The following ATP8A2 variants were observed in gnomAD, a reference collection of about 807,000 sequenced individuals.
ATP8A2 encodes ATPase phospholipid transporting 8A2.
ATP8A2 carries 100 observed loss-of-function variants against 165.6 expected under a neutral mutation model. That is an observed-to-expected ratio of 0.60 (90% CI 0.51 to 0.71). The LOEUF is 0.71. ATP8A2 is among the 30% of genes least tolerant of loss of function. The pLI is 0.00. For synonymous variants in ATP8A2, 543 were observed against 548.8 expected (o/e 0.99, Z 0.15); for missense variants, 1,227 against 1,479.5 (o/e 0.83, Z 2.80).
intron 35 of ATP8A2, among the ~76,000 whole-genome samples, chr13:25,978,887 C>A (rs1215975897): frequency 6.6e-6 from 1 of 152,060 alleles, no homozygotes; most frequent in Non-Finnish European, 1.5e-5. Flanking sequence ...TTGGAGTGAG[C>A]CGAGATCGCG....
At chr13:25,570,622 G>T in intron 16 of ATP8A2, 145 bp from the exon 17 acceptor site, 2 of 570,218 alleles carry the variant, frequency 3.5e-6, no homozygotes, top group Non-Finnish European at 6.2e-6. Flanking sequence ...GGTAGGAGGG[G>T]GATCTGAGGT....
At chr13:25,714,114 A>AAAAG (rs758760089) in intron 25 of ATP8A2, among the ~76,000 whole-genome samples, 17 of 146,304 alleles carry the variant, frequency 1.2e-4, no homozygotes, top group African/African-American at 3.1e-4. Context: ...TCCCTCTGCT[A>AAAAG]AAAGAAAGAA....
intron 24 of ATP8A2, among the ~76,000 whole-genome samples, chr13:25,609,785 A>ATT (rs532359123): frequency 5.2e-5 from 7 of 133,926 alleles, no homozygotes; most frequent in East Asian, 2.3e-4. Context: ...ACCAACACCT[A>ATT]TTTTTTTTTT....
intron 25 of ATP8A2, among the ~76,000 whole-genome samples, chr13:25,761,522 G>A (rs564722104): frequency 1.1e-4 from 17 of 152,078 alleles, no homozygotes; most frequent in African/African-American, 3.6e-4. Context: ...GCACACCTGC[G>A]GCCTCAGCTG....
intron 24 of ATP8A2, among the ~76,000 whole-genome samples, chr13:25,597,252 C>A (rs1027450623): frequency 1.3e-5 from 2 of 152,044 alleles, no homozygotes; most frequent in African/African-American, 4.8e-5. Flanking sequence ...GGAAAATAGA[C>A]CCTAGGCTGG....
At chr13:25,587,296 A>G (rs1400649852) in intron 23 of ATP8A2, among the ~76,000 whole-genome samples, 1 of 152,224 alleles carries the variant, frequency 6.6e-6, no homozygotes, top group Non-Finnish European at 1.5e-5. Flanking sequence ...AATTCTCTAA[A>G]CAAAATCTCA....
In ATP8A2 at chr13:25,531,447, A is replaced by T. The variant is rs1431857822; in HGVS notation, c.420+787A>T. On this transcript the variant is annotated intron_variant, in intron 4 of 36. Transcript: ENST00000381655. ...TATATATATGATTATATATATGATTATATATATGATTATATATATGTTATA... is the reference window on the plus strand; with the variant it reads ...TATATATATGATTATATATATGATTTTATATATGATTATATATATGTTATA... Among the ~76,000 whole-genome samples the T allele has an allele frequency of 2.1e-4, 21 of 99,336 alleles. 1 individual carries two copies. The highest frequency in any genetic ancestry group is 9.7e-4 in the Admixed American group (10 of 10,360). 65.2% of individuals were successfully genotyped at this position (99,336 alleles called of 152,430 possible).
Position 25,530,034 on chromosome 13 carries a change from G to A in ATP8A2, c.257G>A (p.Arg86Gln), listed in dbSNP as rs754599384. ...TACAGCGTGTTGACATTTCTACCTCGATTCTTGTATGAGCAGATTAGAAGA... is the reference window on the plus strand; with the variant it reads ...TACAGCGTGTTGACATTTCTACCTCAATTCTTGTATGAGCAGATTAGAAGA... ...AKYSVLTFLP[R>Q]FLYEQIRRAA... The change falls in exon 3 of 37, where the codon CGA becomes CAA. Residue 86 changes from arginine to glutamine, a missense_variant. Transcript: ENST00000381655. 1.2e-6 allele frequency: 2 copies of A among 1,612,506 alleles called. No individual in the cohort carries two copies. Among genetic ancestry groups the A allele is most frequent in the Non-Finnish European group, 1.7e-6 (2 of 1,179,026 alleles).
chr13:25,911,991 T>C (rs1036758758), intron 33 of ATP8A2, among the ~76,000 whole-genome samples: 1 of 152,216 alleles, frequency 6.6e-6, no homozygotes, highest in Non-Finnish European at 1.5e-5. Context: ...AGAATTGTCA[T>C]ATGATCCAAC....
intron 24 of ATP8A2, among the ~76,000 whole-genome samples, chr13:25,609,534 G>GGGATTCAACTATATATATATATATTT (rs2040603879): frequency 2.4e-5 from 1 of 42,218 alleles, no homozygotes; most frequent in East Asian, 3.2e-4. Flanking sequence ...ATATATATTT[G>GGGATTCAACTATATATATATATATTT]GGATTCAAAT....
At chr13:25,984,273 G>T (rs1333906834) in intron 35 of ATP8A2, among the ~76,000 whole-genome samples, 1 of 151,838 alleles carries the variant, frequency 6.6e-6, no homozygotes, top group East Asian at 1.9e-4. Flanking sequence ...TGAAAAGTTT[G>T]GTGTGATGGG....
At position 25,532,325 on chromosome 13, in the gene ATP8A2, C is replaced by A. The variant is rs2038140291; in HGVS notation, c.466+8C>A. On this transcript the variant is annotated splice_region_variant and intron_variant, in intron 5 of 36. Transcript: ENST00000381655. ...ACAAAAAGAAAACAATAGGTAAGAT[C>A]CCAGGCTGAAGGACTTTTTCCACTG... 2 of 1,604,132 alleles carry A rather than the reference C, an allele frequency of 1.2e-6. No homozygotes were observed. Among genetic ancestry groups the A allele is most frequent in the Non-Finnish European group, 1.7e-6 (2 of 1,175,664 alleles).
intron 2 of ATP8A2, among the ~76,000 whole-genome samples, chr13:25,527,015 A>G (rs965866801): frequency 1.3e-5 from 2 of 151,976 alleles, no homozygotes; most frequent in African/African-American, 4.8e-5. Flanking sequence ...CCCTTCTCTT[A>G]CCATCTACTT....
intron 24 of ATP8A2, among the ~76,000 whole-genome samples, chr13:25,682,812 TATGAAGTA>T (rs1391646210): frequency 1.3e-5 from 2 of 152,182 alleles, no homozygotes; most frequent in African/African-American, 4.8e-5. Context: ...CTTTTAGGAC[TATGAAGTA>T]GTGCTCTCAC....
chr13:25,729,478 C>T (rs570835695), intron 25 of ATP8A2, among the ~76,000 whole-genome samples: 171 of 152,282 alleles, frequency 1.1e-3, no homozygotes, highest in African/African-American at 3.9e-3. Flanking sequence ...CATTTAACTG[C>T]GCTTTAAAGA....
chr13:25,450,775 C>T (rs1251606772), intron 1 of ATP8A2, among the ~76,000 whole-genome samples: 1 of 152,066 alleles, frequency 6.6e-6, no homozygotes, highest in Non-Finnish European at 1.5e-5. Context: ...TCGTAATCTG[C>T]CCACCTCGGC....
intron 25 of ATP8A2, among the ~76,000 whole-genome samples, chr13:25,734,411 T>G (rs1006285968): frequency 3.3e-5 from 5 of 152,232 alleles, no homozygotes; most frequent in Non-Finnish European, 5.9e-5. Context: ...AGTAGTGAAC[T>G]GAACACAGAA....
chr13:25,619,755 C>T (rs373618904), intron 24 of ATP8A2, among the ~76,000 whole-genome samples: 3 of 152,302 alleles, frequency 2.0e-5, no homozygotes, highest in South Asian at 4.1e-4. Context: ...GGTCAACAAA[C>T]GTTTTTCTGT....
intron 24 of ATP8A2, among the ~76,000 whole-genome samples, chr13:25,666,642 TG>T (rs1407089991): frequency 1.3e-5 from 2 of 152,192 alleles, no homozygotes; most frequent in Non-Finnish European, 2.9e-5. Context: ...GGGCTAAATG[TG>T]GGTATTTTTG....
Sources: gnomAD v4.1 joint callset for allele counts (sites outside exome capture counted in the v4.1 genomes callset) on GRCh38, gnomAD v4.1.1 for gene constraint, MANE v1.5 for transcripts, NCBI Gene and HGNC (gene_info 2026-07-23, HGNC 2026-07-21) for gene names.